FAT4: variants seen among roughly 807,000 people sequenced by gnomAD.
FAT4 encodes the protein FAT atypical cadherin 4.
A neutral mutation model predicts 303.9 loss-of-function variants in FAT4; 84 were observed. The ratio of observed to expected loss-of-function variants is 0.28; its 90% CI spans 0.23 to 0.33. The LOEUF (loss-of-function observed/expected upper bound fraction) is 0.33, where lower values mean the gene tolerates loss of function less well. FAT4 is among the 10% of genes least tolerant of loss of function. The pLI is 1.00. For synonymous variants in FAT4, 2,307 were observed against 2,298.8 expected (o/e 1.00, Z -0.10); for missense variants, 6,005 against 6,146.8 (o/e 0.98, Z 0.77).
chr4:125,321,248 T>C lies in FAT4; in HGVS notation c.4837T>C (p.Ser1613Pro). ...AGACCTTGGGCCTGAAAGGAGGAAA[T>C]CGACCACTGAATTGACCATCATTCT... Reference protein sequence around the residue: ...ATDLGPERRKSTTELTIILQG... With the variant: ...ATDLGPERRKPTTELTIILQG... Residue 1613 changes from serine to proline, a missense_variant, in exon 2 of 18, where the codon TCG becomes CCG. Coordinates refer to ENST00000394329, the MANE Select transcript of FAT4 (RefSeq NM_001291303.3). 6.2e-7 allele frequency: 1 copy of C among 1,614,128 alleles called. No individual in the cohort carries two copies. Among genetic ancestry groups the C allele is most frequent in the Non-Finnish European group, 8.5e-7 (1 of 1,180,010 alleles).
intron 2 of FAT4, among the ~76,000 whole-genome samples, chr4:125,397,525 C>G (rs1734231419): frequency 6.6e-6 from 1 of 152,086 alleles, no homozygotes; most frequent in African/African-American, 2.4e-5. Context: ...CTGAGACTTG[C>G]CTGTCTTCAC....
Position 125,318,204 on chromosome 4 carries a change from C to T in FAT4, c.1793C>T (p.Thr598Ile), listed in dbSNP as rs1345879255. 1.2e-6 allele frequency: 2 copies of T among 1,614,224 alleles called. No homozygotes were observed. Among genetic ancestry groups the T allele is most frequent in the South Asian group, 1.1e-5 (1 of 91,088 alleles). ...YDVSVVENAP[T>I]GTELLMLRAT... ...GTGTCTGTGGTTGAGAATGCCCCAA[C>T]AGGGACAGAACTGTTGATGCTCAGG... The change falls in exon 2 of 18, where the codon ACA (threonine) becomes ATA (isoleucine). Residue 598 changes from threonine to isoleucine, a missense_variant. By Grantham distance (89) the Thr-to-Ile change is moderately conservative. Transcript: ENST00000394329.
chr4:125,324,242 CA>C (rs1373604887), intron 2 of FAT4, among the ~76,000 whole-genome samples: 1 of 151,952 alleles, frequency 6.6e-6, no homozygotes, highest in Non-Finnish European at 1.5e-5. Flanking sequence ...CTAGGTTCAC[CA>C]AAAAATAGAT....
intron 13 of FAT4, 41 bp downstream of exon 13, chr4:125,476,297 A>G: frequency 1.7e-6 from 2 of 1,163,510 alleles, no homozygotes; most frequent in Non-Finnish European, 2.4e-6. Flanking sequence ...ATTACTTAAA[A>G]TTTTTTAAAA....
chr4:125,339,654 C>G (rs1244655460), intron 2 of FAT4, among the ~76,000 whole-genome samples: 1 of 152,000 alleles, frequency 6.6e-6, no homozygotes, highest in Non-Finnish European at 1.5e-5. Flanking sequence ...CAAAATAATG[C>G]TATGAAATAG....
chr4:125,487,635 A>G, intron 17 of FAT4, 29 bp downstream of exon 17: 1 of 1,543,652 alleles, frequency 6.5e-7, no homozygotes, highest in Non-Finnish European at 8.7e-7. Context: ...TAGAGTCACA[A>G]GGGAAGTAAA....
At chr4:125,342,660 A>T (rs1333565690) in intron 2 of FAT4, among the ~76,000 whole-genome samples, 1 of 151,838 alleles carries the variant, frequency 6.6e-6, no homozygotes, top group East Asian at 1.9e-4. Context: ...CACATTATAA[A>T]CTTAACTATT....
chr4:125,396,926 G>GTATA (rs66744105), intron 2 of FAT4, among the ~76,000 whole-genome samples: 14 of 143,902 alleles, frequency 9.7e-5, no homozygotes, highest in African/African-American at 3.6e-4. Flanking sequence ...ATGTGTGTGT[G>GTATA]TATATATATA....
intron 10 of FAT4, among the ~76,000 whole-genome samples, chr4:125,458,373 G>A (rs1401639508): frequency 1.3e-5 from 2 of 151,900 alleles, no homozygotes; most frequent in African/African-American, 4.8e-5. Context: ...CATAAAGATG[G>A]AAAGAGTTAC....
intron 14 of FAT4, among the ~76,000 whole-genome samples, chr4:125,478,789 A>G (rs1230221183): frequency 6.6e-6 from 1 of 152,018 alleles, no homozygotes; most frequent in African/African-American, 2.4e-5. Context: ...CAGCCTCCCA[A>G]AGTGCTGGGA....
Position 125,408,549 on chromosome 4 carries a change from A to G in FAT4, c.5675A>G (p.Asn1892Ser). 1 of 1,612,704 alleles carries G rather than the reference A, an allele frequency of 6.2e-7. No homozygotes were observed. The highest frequency in any genetic ancestry group is 8.5e-7 in the Non-Finnish European group (1 of 1,179,092). Residue 1892 changes from asparagine to serine, a missense_variant, in exon 5 of 18, where the codon AAT becomes AGT. Physicochemically the swap from Asn to Ser is conservative, Grantham distance 46. Transcript: ENST00000394329. ...GATGAAGATGGCATCTTTTTCCTGA[A>G]TCCTATTACTGGGGTCTTTAATTTG... is the stretch of plus-strand genomic sequence containing the variant. ...EDDEDGIFFL[N>S]PITGVFNLTR...
chr4:125,454,784 G>A (rs79423590), intron 10 of FAT4, among the ~76,000 whole-genome samples: 1 of 152,154 alleles, frequency 6.6e-6, no homozygotes, highest in Non-Finnish European at 1.5e-5. Flanking sequence ...AGTGAGCTGA[G>A]GTCGCGCCAT....
intron 2 of FAT4, among the ~76,000 whole-genome samples, chr4:125,349,652 A>G (rs567996553): frequency 4.6e-5 from 7 of 151,896 alleles, no homozygotes; most frequent in Admixed American, 4.0e-4. Context: ...GATTCAATAT[A>G]TATGCCCACT....
chr4:125,461,542 C>G (rs1726484732), intron 10 of FAT4, among the ~76,000 whole-genome samples: 1 of 151,778 alleles, frequency 6.6e-6, no homozygotes, highest in Non-Finnish European at 1.5e-5. Flanking sequence ...GATAACAAGG[C>G]TATATTGAAC....
intron 8 of FAT4, among the ~76,000 whole-genome samples, chr4:125,442,807 G>T (rs12507187): frequency 1.2e-4 from 18 of 152,030 alleles, no homozygotes; most frequent in Non-Finnish European, 2.5e-4. Context: ...TAGATTGTAT[G>T]TAATAGACTA....
intron 16 of FAT4, among the ~76,000 whole-genome samples, chr4:125,487,140 C>T (rs957197677): frequency 2.0e-5 from 3 of 152,034 alleles, no homozygotes; most frequent in Admixed American, 6.6e-5. Context: ...TATAAGAATA[C>T]GTTGAAAACC....
rs560346360 is a variant in FAT4, at chr4:125,474,029, A to G, written c.12214-2142A>G. 3.9e-5 allele frequency among the ~76,000 whole-genome samples: 6 copies of G among 152,150 alleles called. No individual in the cohort carries two copies. In the South Asian group the frequency reaches 1.2e-3, roughly 32 times the overall value. On this transcript the variant is annotated intron_variant, in intron 12 of 17. Transcript: ENST00000394329. ...TAAGTCATTGCATAGTTGGGATAAA[A>G]CATTTTAATTTATGGTGGTAAAGCT...
intron 2 of FAT4, among the ~76,000 whole-genome samples, chr4:125,379,029 C>A (rs1217378014): frequency 1.3e-5 from 2 of 151,780 alleles, no homozygotes; most frequent in African/African-American, 2.4e-5. Context: ...CTACACAATG[C>A]TCAACAGAAA....
chr4:125,322,046 A>C (rs1163369753), intron 2 of FAT4, among the ~76,000 whole-genome samples: 1 of 152,106 alleles, frequency 6.6e-6, no homozygotes, highest in East Asian at 1.9e-4. Context: ...GGATGGGCTG[A>C]CAGTGTACAC....
Sources: gnomAD v4.1 joint callset for allele counts (sites outside exome capture counted in the v4.1 genomes callset) on GRCh38, gnomAD v4.1.1 for gene constraint, MANE v1.5 for transcripts, NCBI Gene and HGNC (gene_info 2026-07-23, HGNC 2026-07-21) for gene names.